The following SEPTIN9 variants were observed in gnomAD, a reference collection of about 807,000 sequenced individuals.
SEPTIN9 encodes the protein septin-9.
In SEPTIN9, 13 loss-of-function variants were observed where a neutral mutation model predicts 56.6. The observed-to-expected ratio is 0.23, with a 90% CI of 0.15 to 0.37. The LOEUF is 0.37. Ranked by LOEUF, SEPTIN9 falls within the 10% of genes least tolerant of loss-of-function variation. The pLI, the probability that SEPTIN9 is intolerant of heterozygous loss-of-function variation, is 1.00. For synonymous variants in SEPTIN9, 332 were observed against 334.1 expected, an observed-to-expected ratio of 0.99 and a Z score of 0.07; for missense variants, 650 against 823.1, an observed-to-expected ratio of 0.79 and a Z score of 2.57.
intron 2 of SEPTIN9, among the ~76,000 whole-genome samples, chr17:77,387,993 C>T (rs1171245593): frequency 6.6e-6 from 1 of 151,596 alleles, no homozygotes; most frequent in Non-Finnish European, 1.5e-5. Context: ...CTACCCCAGA[C>T]CCCTCTCTTG....
intron 2 of SEPTIN9, among the ~76,000 whole-genome samples, chr17:77,328,554 T>C (rs2033233004): frequency 6.6e-6 from 1 of 152,054 alleles, no homozygotes; most frequent in South Asian, 2.1e-4. Flanking sequence ...TTAGTAGAGA[T>C]GGGGTTTCAC....
intron 4 of SEPTIN9, chr17:77,482,674 C>T: frequency 1.7e-6 from 1 of 603,696 alleles, no homozygotes; most frequent in Non-Finnish European, 3.0e-6. Flanking sequence ...GCTGTCCCCT[C>T]ACTGTTGCTC....
chr17:77,354,773 G>C (rs1255049109), intron 2 of SEPTIN9, among the ~76,000 whole-genome samples: 1 of 152,082 alleles, frequency 6.6e-6, no homozygotes, highest in African/African-American at 2.4e-5. Context: ...GCCACAGACA[G>C]TGGAGGGCGG....
chr17:77,295,782 C>G (rs1452528901), intron 1 of SEPTIN9, among the ~76,000 whole-genome samples: 1 of 151,874 alleles, frequency 6.6e-6, no homozygotes, highest in Non-Finnish European at 1.5e-5. Flanking sequence ...ACCAGCTGCC[C>G]CCACCGCCCC....
At chr17:77,343,838 G>C (rs2033809675) in intron 2 of SEPTIN9, among the ~76,000 whole-genome samples, 1 of 152,196 alleles carries the variant, frequency 6.6e-6, no homozygotes, top group South Asian at 2.1e-4. Flanking sequence ...TGAGTGTTGT[G>C]AATGAGAGTG....
chr17:77,447,484 CCTTTGAGTCCTGAG>C (rs1333935123), intron 3 of SEPTIN9, among the ~76,000 whole-genome samples: 1 of 152,254 alleles, frequency 6.6e-6, no homozygotes, highest in Non-Finnish European at 1.5e-5. Context: ...TGGCGGGCTG[CCTTTGAGTCCTGAG>C]CACCTGTGAG....
In SEPTIN9 at chr17:77,435,392, C is replaced by T. The variant is rs1216232415; in HGVS notation, c.721+32689C>T. ...GATTCTGTGGCTTCTTGAGGTGGCT[C>T]ACCCCTAAACACGCCCCCCATGGTG... On this transcript the variant is annotated intron_variant, in intron 3 of 11. Transcript: ENST00000427177. The surrounding 1 kb of genome is among the most constrained non-coding windows in gnomAD (Gnocchi z 4.5). Among the ~76,000 whole-genome samples the T allele has an allele frequency of 6.6e-6, 1 of 152,194 alleles. No homozygotes were observed. The highest frequency in any genetic ancestry group is 6.5e-5 in the Admixed American group (1 of 15,284).
intron 4 of SEPTIN9, among the ~76,000 whole-genome samples, chr17:77,484,649 G>T (rs2039621266): frequency 6.7e-6 from 1 of 148,162 alleles, no homozygotes; most frequent in Admixed American, 6.7e-5. Context: ...TGTGATGGGG[G>T]TGGTGGTGGT....
At chr17:77,381,393 C>G (rs1198665173) in intron 2 of SEPTIN9, among the ~76,000 whole-genome samples, 1 of 152,018 alleles carries the variant, frequency 6.6e-6, no homozygotes, top group African/African-American at 2.4e-5. Context: ...CAGGCAGGAT[C>G]TCCTTCTGTC....
Position 77,475,725 on chromosome 17 carries a change from G to A in SEPTIN9, c.722-6419G>A. 1 of 1,613,264 alleles carries A rather than the reference G, an allele frequency of 6.2e-7. No individual in the cohort carries two copies. Among genetic ancestry groups the A allele is most frequent in the Non-Finnish European group, 8.5e-7 (1 of 1,179,884 alleles). Reference sequence around the variant, plus strand: ...GGCAAGGAAGTCTTCGCCGGGGCAAGGGCACCAGCTGTAGATGCCGGCAGC... The same window carrying A: ...GGCAAGGAAGTCTTCGCCGGGGCAAAGGCACCAGCTGTAGATGCCGGCAGC... On this transcript the variant is annotated intron_variant, in intron 3 of 11. Transcript: ENST00000427177. The surrounding 1 kb of genome is among the most constrained non-coding windows in gnomAD (Gnocchi z 4.6).
intron 1 of SEPTIN9, among the ~76,000 whole-genome samples, chr17:77,298,439 T>C (rs1276801629): frequency 4.6e-5 from 7 of 152,220 alleles, no homozygotes; most frequent in Non-Finnish European, 7.3e-5. Context: ...GGGAGTGTGC[T>C]GTGGATGTTT....
At chr17:77,331,237 T>C (rs1411862279) in intron 2 of SEPTIN9, among the ~76,000 whole-genome samples, 1 of 152,134 alleles carries the variant, frequency 6.6e-6, no homozygotes, top group Admixed American at 6.5e-5. Context: ...AGCTTCAGAA[T>C]GATTGACTTC....
chr17:77,387,119 C>T (rs1333311518), intron 2 of SEPTIN9, among the ~76,000 whole-genome samples: 1 of 152,180 alleles, frequency 6.6e-6, no homozygotes, highest in Non-Finnish European at 1.5e-5. Flanking sequence ...TGCAACAAAG[C>T]CCCACGAACT....
chr17:77,494,307 G>A (rs956391454), intron 10 of SEPTIN9, among the ~76,000 whole-genome samples: 1 of 152,258 alleles, frequency 6.6e-6, no homozygotes, highest in Admixed American at 6.5e-5. Flanking sequence ...CGGGAGGGAT[G>A]GGCCCGAACG....
rs1475464486 is a variant in SEPTIN9, at chr17:77,318,659, G to A, written c.76+11462G>A. Among the ~76,000 whole-genome samples the A allele has an allele frequency of 6.6e-6, 1 of 152,118 alleles. No homozygotes were observed. Among genetic ancestry groups the A allele is most frequent in the Middle Eastern group, 3.2e-3 (1 of 316 alleles). On this transcript the variant is annotated intron_variant, in intron 2 of 11. Transcript: ENST00000427177. This position sits in a 1 kb window ranked among gnomAD's most constrained non-coding sequence, Gnocchi z 4.9. Reference sequence around the variant, plus strand: ...GGTGGTTGCTTGATGTCTCCCAGAAGGCTGGGAATGGTCCTCCCCACCCCC... The same window carrying A: ...GGTGGTTGCTTGATGTCTCCCAGAAAGCTGGGAATGGTCCTCCCCACCCCC...
chr17:77,457,488 C>T (rs1206757225), intron 3 of SEPTIN9, among the ~76,000 whole-genome samples: 1 of 152,184 alleles, frequency 6.6e-6, no homozygotes, highest in Non-Finnish European at 1.5e-5. Context: ...AAGCGAGTTC[C>T]GTGTTTATGC....
At chr17:77,286,692 T>C (rs918948889) in intron 1 of SEPTIN9, among the ~76,000 whole-genome samples, 9 of 152,202 alleles carry the variant, frequency 5.9e-5, no homozygotes, top group Admixed American at 2.6e-4. Flanking sequence ...GGCCCCTGTT[T>C]CCGCCCCAGT....
In SEPTIN9 at chr17:77,425,504, G is replaced by C. The variant is rs151154517; in HGVS notation, c.721+22801G>C. The stretch of plus-strand genomic sequence containing the variant: ...CTCTGGTCATGGGGACGCTGCCTGG[G>C]GGGGGTTCCCTTACATGGAAGGAGC... On this transcript the variant is annotated intron_variant, in intron 3 of 11. Transcript: ENST00000427177. This position sits in a 1 kb window ranked among gnomAD's most constrained non-coding sequence, Gnocchi z 4.2. Among the ~76,000 whole-genome samples the C allele has an allele frequency of 5.6e-4, 86 of 152,294 alleles. No individual in the cohort carries two copies. In the East Asian group the frequency reaches 0.014, roughly 26 times the overall value.
chr17:77,283,159 T>TC (rs1420641759), intron 1 of SEPTIN9, among the ~76,000 whole-genome samples: 1 of 109,948 alleles, frequency 9.1e-6, no homozygotes, highest in East Asian at 2.6e-4. Context: ...TCACTGGGTT[T>TC]CTTTTTTTTT....
Sources: allele counts gnomAD v4.1 joint callset (sites outside exome capture counted in the v4.1 genomes callset), GRCh38; gene constraint gnomAD v4.1.1; non-coding constraint Gnocchi (gnomAD v3.1); transcripts MANE v1.5; gene names NCBI Gene and HGNC (gene_info 2026-07-23, HGNC 2026-07-21).